GPR19: variants seen among roughly 807,000 people sequenced by gnomAD.
GPR19 encodes G protein-coupled receptor 19, also known as probable G protein-coupled receptor 19.
A neutral mutation model predicts 28.5 loss-of-function variants in GPR19; 14 were observed. That is an observed-to-expected ratio of 0.49 (90% CI 0.32 to 0.77). The LOEUF (loss-of-function observed/expected upper bound fraction) is 0.77, where lower values mean the gene tolerates loss of function less well. Among genes scored for constraint, GPR19 ranks in the 30% least tolerant of loss-of-function variants. GPR19 has a pLI of 0.03. For missense variants in GPR19, 409 were observed against 504.1 expected, an observed-to-expected ratio of 0.81 and a Z score of 1.81; for synonymous variants, 173 against 184.1, an observed-to-expected ratio of 0.94 and a Z score of 0.49.
chr12:12,715,873 T>A, the GPR19 span: 1 of 152,300 alleles, frequency 6.6e-6, no homozygotes. Context: ...TTCTGGAGCG[T>A]ATGAGATGAG....
At chr12:12,716,619 T>G in the GPR19 span, 21 of 361,834 alleles carry the variant, frequency 5.8e-5, no homozygotes, top group Non-Finnish European at 7.3e-5. Context: ...TTTTGTTTTT[T>G]TTTTTTAATC....
chr12:12,673,872 G>T (rs7965458), intron 3 of GPR19, among the ~76,000 whole-genome samples: 83,243 of 151,746 alleles, frequency 0.55, 23,072 homozygotes, highest in African/African-American at 0.58. Context: ...ACCCCCTCAC[G>T]CACATTTATG....
upstream of GPR19, among the ~76,000 whole-genome samples, chr12:12,698,709 C>G (rs1433309780): frequency 2.0e-5 from 3 of 151,890 alleles, no homozygotes; most frequent in African/African-American, 7.3e-5. Context: ...CTCCCGGGTT[C>G]AAGCGATTCT....
At chr12:12,702,574 T>C in the GPR19 span, among the ~76,000 whole-genome samples, 5 of 152,218 alleles carry the variant, frequency 3.3e-5, no homozygotes, top group African/African-American at 1.2e-4. Flanking sequence ...ACCCTAGTTT[T>C]CTGGATCTCC....
chr12:12,697,091 C>A (rs6488546), upstream of GPR19, among the ~76,000 whole-genome samples: 139,208 of 148,274 alleles, frequency 0.94, 65,964 homozygotes, highest in East Asian at 1. Flanking sequence ...ACCTAAGGTC[C>A]TCTTGCTCGA....
At chr12:12,662,848 A>G (rs1188462755) in intron 3 of GPR19, among the ~76,000 whole-genome samples, 1 of 152,240 alleles carries the variant, frequency 6.6e-6, no homozygotes, top group East Asian at 1.9e-4. Context: ...GATCTGCTGG[A>G]ATTCTGGGCA....
At position 12,662,205 on chromosome 12, in the gene GPR19, C is replaced by T. The variant is rs74733159; in HGVS notation, c.244G>A (p.Gly82Ser). The change falls in exon 4 of 4, where the codon GGC (glycine) becomes AGC (serine). Residue 82 changes from glycine to serine, a missense_variant. Physicochemically the swap from Gly to Ser is moderately conservative, Grantham distance 56. Coordinates refer to ENST00000651487, the MANE Select transcript of GPR19 (RefSeq NM_006143.3). ...FGILWLFSIF[G>S]NSLVCLVIHR... ...ATGACCAAACAAACCAGGGAATTGC[C>T]GAAGATAGAAAACAACCACAGAATC... The T allele has an allele frequency of 3.6e-5, 58 of 1,614,106 alleles. No homozygotes were observed. The highest frequency in any genetic ancestry group is 3.0e-4 in the Admixed American group (18 of 60,014).
chr12:12,702,704 A>G, the GPR19 span, among the ~76,000 whole-genome samples: 456 of 152,306 alleles, frequency 3.0e-3, 1 homozygote, highest in Non-Finnish European at 5.3e-3. Context: ...CTTAAATCTA[A>G]AACATCATAG....
chr12:12,693,938 T>A (rs890841267), intron 2 of GPR19, among the ~76,000 whole-genome samples: 4 of 152,090 alleles, frequency 2.6e-5, no homozygotes, highest in Non-Finnish European at 4.4e-5. Flanking sequence ...CCTGACCTCG[T>A]GATCCCCCCG....
intron 3 of GPR19, among the ~76,000 whole-genome samples, chr12:12,683,732 T>C (rs1377132201): frequency 2.6e-5 from 4 of 152,248 alleles, no homozygotes; most frequent in Non-Finnish European, 4.4e-5. Context: ...AAATTTGAGT[T>C]CACGGCTGAT....
intron 2 of GPR19, among the ~76,000 whole-genome samples, chr12:12,689,368 C>G (rs547669199): frequency 6.6e-6 from 1 of 152,246 alleles, no homozygotes; most frequent in Admixed American, 6.5e-5. Context: ...TACTCTAGGT[C>G]CAGAATGAAG....
intron 2 of GPR19, among the ~76,000 whole-genome samples, chr12:12,690,375 GAAA>G (rs956226319): frequency 2.6e-5 from 4 of 152,188 alleles, no homozygotes; most frequent in African/African-American, 9.7e-5. Flanking sequence ...TGTCTAAGGA[GAAA>G]AATGAATCCC....
At chr12:12,693,212 TTAA>T (rs1592270268) in intron 2 of GPR19, among the ~76,000 whole-genome samples, 1 of 152,302 alleles carries the variant, frequency 6.6e-6, no homozygotes. Context: ...TTCTCATCTG[TTAA>T]TAATAACAAA....
intron 2 of GPR19, among the ~76,000 whole-genome samples, chr12:12,691,609 C>T (rs150238091): frequency 4.8e-4 from 73 of 152,222 alleles, no homozygotes; most frequent in African/African-American, 1.6e-3. Context: ...ACTACTTATA[C>T]GATTGCATAT....
intron 2 of GPR19, among the ~76,000 whole-genome samples, chr12:12,690,756 C>T (rs920011427): frequency 1.3e-5 from 2 of 152,200 alleles, no homozygotes; most frequent in Non-Finnish European, 2.9e-5. Context: ...TCTTAGGAGG[C>T]AGAGTCTGTT....
intron 3 of GPR19, among the ~76,000 whole-genome samples, chr12:12,676,439 G>A (rs1378636419): frequency 1.3e-5 from 2 of 152,126 alleles, no homozygotes; most frequent in African/African-American, 4.8e-5. Context: ...TCCTGAGAGT[G>A]CATTTTGATG....
intron 3 of GPR19, among the ~76,000 whole-genome samples, chr12:12,677,380 AT>A (rs1277080553): frequency 6.6e-6 from 1 of 151,766 alleles, no homozygotes; most frequent in Non-Finnish European, 1.5e-5. Flanking sequence ...TAATTTTTGT[AT>A]TTTTAGTAGA....
the GPR19 span, among the ~76,000 whole-genome samples, chr12:12,710,534 TTG>T: frequency 6.6e-6 from 1 of 152,080 alleles, no homozygotes; most frequent in Non-Finnish European, 1.5e-5. Context: ...GTCTCCAGTA[TTG>T]TCTCTTTTGC....
chr12:12,693,692 T>G (rs1336090416), intron 2 of GPR19, among the ~76,000 whole-genome samples: 7 of 152,220 alleles, frequency 4.6e-5, no homozygotes, highest in Admixed American at 3.9e-4. Context: ...TCTCAAGCTC[T>G]AAACTTCATT....
Sources: gnomAD v4.1 joint callset for allele counts (sites outside exome capture counted in the v4.1 genomes callset) on GRCh38, gnomAD v4.1.1 for gene constraint, MANE v1.5 for transcripts, NCBI Gene and HGNC (gene_info 2026-07-23, HGNC 2026-07-21) for gene names.